RNF152: variants seen among roughly 807,000 people sequenced by gnomAD.
RNF152 encodes the protein E3 ubiquitin-protein ligase RNF152.
Under a neutral mutation model 12.7 loss-of-function variants are expected in RNF152, and 11 were observed. The observed-to-expected ratio is 0.86, with a 90% CI of 0.54 to 1.43. The LOEUF is 1.43. RNF152 is among the 40% of genes most tolerant of loss of function. The pLI is 0.00. For synonymous variants in RNF152, 113 were observed against 120.3 expected, an observed-to-expected ratio of 0.94 and a Z score of 0.40; for missense variants, 255 against 274.8, an observed-to-expected ratio of 0.93 and a Z score of 0.51.
intron 1 of RNF152, among the ~76,000 whole-genome samples, chr18:61,851,430 G>A (rs1910970988): frequency 6.6e-6 from 1 of 151,472 alleles, no homozygotes; most frequent in Admixed American, 6.6e-5. Context: ...CGCCTGAGCT[G>A]CCCCAGCTTC....
chr18:61,839,741 A>T (rs1225069056), intron 1 of RNF152, among the ~76,000 whole-genome samples: 1 of 152,068 alleles, frequency 6.6e-6, no homozygotes, highest in Non-Finnish European at 1.5e-5. Context: ...TAAAAATACA[A>T]AAAAATTGCT....
intron 1 of RNF152, among the ~76,000 whole-genome samples, chr18:61,838,873 C>T (rs1237798061): frequency 6.6e-6 from 1 of 152,134 alleles, no homozygotes; most frequent in African/African-American, 2.4e-5. Context: ...AAACTGGCTA[C>T]AGCACATCCC....
rs762587634 is a variant in RNF152 at position 61,815,181 on chromosome 18, C to A, written c.*671G>T. The stretch of plus-strand genomic sequence containing the variant: ...CTCGGTTTATTGCTCCCCTGTTGAG[C>A]TTTCAGTTCCATAAACACGTAGCAA... On this transcript the variant is annotated 3_prime_UTR_variant, in exon 2 of 2. Coordinates refer to ENST00000312828, the MANE Select transcript of RNF152 (RefSeq NM_173557.3). 2 of 152,582 alleles carry A rather than the reference C, an allele frequency of 1.3e-5. No individual in the cohort carries two copies. Among genetic ancestry groups the A allele is most frequent in the Non-Finnish European group, 2.9e-5 (2 of 68,038 alleles). The allele number at this position is 152,582 out of a possible 1,614,324, so 9.5% of individuals were successfully genotyped here. A position where few individuals can be genotyped will look rare whatever the true frequency, so the allele number is the denominator to read the frequency against.
chr18:61,862,785 G>A (rs1326451268), intron 1 of RNF152, among the ~76,000 whole-genome samples: 1 of 152,176 alleles, frequency 6.6e-6, no homozygotes, highest in East Asian at 1.9e-4. Flanking sequence ...GCCAAAGCGG[G>A]GGTTCTGGGG....
intron 1 of RNF152, among the ~76,000 whole-genome samples, chr18:61,845,796 C>G (rs1213928268): frequency 6.6e-6 from 1 of 152,264 alleles, no homozygotes; most frequent in African/African-American, 2.4e-5. Flanking sequence ...ATGAACCTGA[C>G]CATAAGTCTG....
chr18:61,885,059 T>C (rs1250396830), intron 1 of RNF152, among the ~76,000 whole-genome samples: 1 of 152,242 alleles, frequency 6.6e-6, no homozygotes, highest in East Asian at 1.9e-4. Flanking sequence ...ACCTGCATGG[T>C]TGAATTAACT....
At chr18:61,834,643 C>T (rs1283630769) in intron 1 of RNF152, among the ~76,000 whole-genome samples, 3 of 151,762 alleles carry the variant, frequency 2.0e-5, no homozygotes, top group Non-Finnish European at 4.4e-5. Flanking sequence ...TCAATAAATG[C>T]TTGTAGAAGG....
At chr18:61,888,031 G>T (rs1406875577) in intron 1 of RNF152, 1 of 152,242 alleles carries the variant, frequency 6.6e-6, no homozygotes, top group Admixed American at 6.5e-5. Flanking sequence ...TAACCAGGAA[G>T]TCTATGTGAT....
rs530651350 is a variant in RNF152 at position 61,827,345 on chromosome 18, A to C, written c.-135-10747T>G. On this transcript the variant is annotated intron_variant, in intron 1 of 1. Coordinates refer to ENST00000312828, the MANE Select transcript of RNF152 (RefSeq NM_173557.3). ...GTATTCCTTCAAAATACTAAAGAAC[A>C]TGTATGATTTCAGACGAGTAGAACT... Among the ~76,000 whole-genome samples, 8 of 152,298 alleles carry C rather than the reference A, an allele frequency of 5.3e-5. No individual in the cohort carries two copies. In the South Asian group the frequency reaches 1.7e-3, roughly 32 times the overall value.
chr18:61,868,131 G>T (rs539551142), intron 1 of RNF152, among the ~76,000 whole-genome samples: 1 of 152,112 alleles, frequency 6.6e-6, no homozygotes, highest in Non-Finnish European at 1.5e-5. Context: ...CATTTTCCTC[G>T]TAGCCAGCAC....
intron 1 of RNF152, among the ~76,000 whole-genome samples, chr18:61,851,558 G>C (rs1472057137): frequency 6.6e-6 from 1 of 152,188 alleles, no homozygotes; most frequent in Non-Finnish European, 1.5e-5. Context: ...TACAGATGAG[G>C]AAATGGAGGT....
At chr18:61,854,495 A>C (rs1911129045) in intron 1 of RNF152, among the ~76,000 whole-genome samples, 1 of 152,208 alleles carries the variant, frequency 6.6e-6, no homozygotes, top group Non-Finnish European at 1.5e-5. Flanking sequence ...TACACAGGAA[A>C]CCATCCTCTC....
chr18:61,835,192 C>A (rs1288696006), intron 1 of RNF152, among the ~76,000 whole-genome samples: 1 of 152,198 alleles, frequency 6.6e-6, no homozygotes, highest in South Asian at 2.1e-4. Flanking sequence ...AAATACAGCT[C>A]CACAGTACAA....
rs531292248 is a variant in RNF152, at chr18:61,855,836, G to T, written c.-136+36959C>A. Among the ~76,000 whole-genome samples, 10 of 152,302 alleles carry T rather than the reference G, an allele frequency of 6.6e-5. No individual in the cohort carries two copies. The South Asian group carries it at 2.1e-3, about 32-fold the overall frequency. On this transcript the variant is annotated intron_variant, in intron 1 of 1. Transcript: ENST00000312828. ...CAATACCCAGGCAGAAGGTGCCATT[G>T]GCCACAGAGGTTTCCGGCTGGTGAC...
At chr18:61,820,328 CACCAA>C (rs1364876294) in intron 1 of RNF152, among the ~76,000 whole-genome samples, 1 of 28,100 alleles carries the variant, frequency 3.6e-5, no homozygotes. Context: ...GACTCCGTCT[CACCAA>C]AAAAAAAAAA....
intron 1 of RNF152, among the ~76,000 whole-genome samples, chr18:61,873,601 T>C (rs544071927): frequency 4.1e-4 from 62 of 152,334 alleles, no homozygotes; most frequent in African/African-American, 1.4e-3. Flanking sequence ...GCCAAAGTGC[T>C]GGGATTACAG....
intron 1 of RNF152, among the ~76,000 whole-genome samples, chr18:61,864,076 G>C (rs914147353): frequency 6.6e-6 from 1 of 152,058 alleles, no homozygotes; most frequent in Admixed American, 6.6e-5. Flanking sequence ...CAAACACATG[G>C]GTGTCTTCCA....
At chr18:61,869,393 G>C (rs1292840029) in intron 1 of RNF152, among the ~76,000 whole-genome samples, 1 of 152,078 alleles carries the variant, frequency 6.6e-6, no homozygotes, top group Non-Finnish European at 1.5e-5. Flanking sequence ...ATAAACATGG[G>C]CCATGGAGGT....
Position 61,849,087 on chromosome 18 carries a change from G to T in RNF152, c.-135-32489C>A, listed in dbSNP as rs189830527. Among the ~76,000 whole-genome samples, 86 of 152,304 alleles carry T rather than the reference G, an allele frequency of 5.6e-4. 1 individual carries two copies. Among genetic ancestry groups the T allele is most frequent in the African/African-American group, 1.9e-3 (79 of 41,568 alleles). On this transcript the variant is annotated intron_variant, in intron 1 of 1. Coordinates refer to ENST00000312828, the MANE Select transcript of RNF152 (RefSeq NM_173557.3). The stretch of plus-strand genomic sequence containing the variant: ...GAATCCCCCGGGGTTTGGGAGCCAA[G>T]TCTGTGTCAACCCGTACTATGACTC...
Sources: gnomAD v4.1 joint callset for allele counts (sites outside exome capture counted in the v4.1 genomes callset) on GRCh38, gnomAD v4.1.1 for gene constraint, MANE v1.5 for transcripts, NCBI Gene and HGNC (gene_info 2026-07-23, HGNC 2026-07-21) for gene names.